The following ACOX3 variants were observed in gnomAD, a reference collection of about 807,000 sequenced individuals.
ACOX3 encodes acyl-CoA oxidase 3, pristanoyl.
A neutral mutation model predicts 81.5 loss-of-function variants in ACOX3; 73 were observed. That is an observed-to-expected ratio of 0.90 (90% CI 0.74 to 1.09). The LOEUF is 1.09. Ranked by LOEUF, ACOX3 falls within the 50% of genes least tolerant of loss-of-function variation. The probability of loss-of-function intolerance (pLI) is 0.00; values close to 1 mark genes in which losing one functional copy is unlikely to be tolerated. For missense variants in ACOX3, 947 were observed against 928.0 expected, an observed-to-expected ratio of 1.02 and a Z score of -0.27; for synonymous variants, 387 against 375.1, an observed-to-expected ratio of 1.03 and a Z score of -0.37.
Position 8,391,725 on chromosome 4 carries a change from A to G in ACOX3, c.1300+608T>C, listed in dbSNP as rs77899048. Among the ~76,000 whole-genome samples the G allele has an allele frequency of 2.5e-3, 381 of 152,356 alleles. 1 individual carries two copies. The highest frequency in any genetic ancestry group is 3.8e-3 in the Non-Finnish European group (259 of 68,032). On this transcript the variant is annotated intron_variant, in intron 11 of 17. Coordinates refer to ENST00000356406, the MANE Select transcript of ACOX3 (RefSeq NM_003501.3). Reference sequence around the variant, plus strand: ...TTATCACCCCCACTTTAAAAATAAGAAAACTGAGCACAGTGAGGTTAAGCA... The same window carrying G: ...TTATCACCCCCACTTTAAAAATAAGGAAACTGAGCACAGTGAGGTTAAGCA...
intron 16 of ACOX3, 31 bp from the exon 17 acceptor site, chr4:8,371,025 A>G (rs1578849080): frequency 6.2e-7 from 1 of 1,604,764 alleles, no homozygotes; most frequent in African/African-American, 1.3e-5. Context: ...GACACTTGGC[A>G]CCTCCCGGGA....
chr4:8,392,733 C>T (rs987589442), intron 10 of ACOX3, among the ~76,000 whole-genome samples: 1 of 152,210 alleles, frequency 6.6e-6, no homozygotes, highest in Admixed American at 6.5e-5. Context: ...CAGAAGCAAA[C>T]TGCAGAAGAA....
Position 8,385,172 on chromosome 4 carries a change from A to C in ACOX3, c.1538-3565T>G, listed in dbSNP as rs1578885487. On this transcript the variant is annotated intron_variant, in intron 13 of 17. Transcript: ENST00000356406. The surrounding 1 kb of genome is among the most constrained non-coding windows in gnomAD (Gnocchi z 5.5). Reference sequence around the variant, plus strand: ...TCACAGCGGGGGGCAGTGCTGACCCAATAGCCTGTGCTCCCACCCTCTGGG... The same window carrying C: ...TCACAGCGGGGGGCAGTGCTGACCCCATAGCCTGTGCTCCCACCCTCTGGG... Among the ~76,000 whole-genome samples, 1 of 152,114 alleles carries C rather than the reference A, an allele frequency of 6.6e-6. No homozygotes were observed. The highest frequency in any genetic ancestry group is 6.5e-5 in the Admixed American group (1 of 15,280).
Position 8,384,048 on chromosome 4 carries a change from C to T in ACOX3, c.1538-2441G>A, listed in dbSNP as rs1288353885. Among the ~76,000 whole-genome samples the T allele has an allele frequency of 1.3e-5, 2 of 152,232 alleles. No individual in the cohort carries two copies. Among genetic ancestry groups the T allele is most frequent in the Non-Finnish European group, 1.5e-5 (1 of 68,042 alleles). On this transcript the variant is annotated intron_variant, in intron 13 of 17. Coordinates refer to ENST00000356406, the MANE Select transcript of ACOX3 (RefSeq NM_003501.3). The surrounding 1 kb of genome is among the most constrained non-coding windows in gnomAD (Gnocchi z 5.3). ...CCAGCCTGTCCTGGCCATTCCCAAACACTGCCCCAGGAGGTGTCCCTCTGC... is the reference window on the plus strand; with the variant it reads ...CCAGCCTGTCCTGGCCATTCCCAAATACTGCCCCAGGAGGTGTCCCTCTGC...
chr4:8,435,598 CAG>C (rs1724191842), intron 1 of ACOX3, among the ~76,000 whole-genome samples: 1 of 152,088 alleles, frequency 6.6e-6, no homozygotes, highest in Admixed American at 6.5e-5. Context: ...AAGGTGGTGA[CAG>C]GGGTTGGAGG....
rs924959013 is a variant in ACOX3 at position 8,431,867 on chromosome 4, T to G, written c.-15+8781A>C. 1.3e-5 allele frequency among the ~76,000 whole-genome samples: 2 copies of G among 152,250 alleles called. No homozygotes were observed. Among genetic ancestry groups the G allele is most frequent in the Non-Finnish European group, 2.9e-5 (2 of 68,050 alleles). ...TGACTGTCATTGGCCATTGTTGTTA[T>G]GTGCACACATTGTTAAAGCTAAAGT... On this transcript the variant is annotated intron_variant, in intron 1 of 17. Transcript: ENST00000356406. The surrounding 1 kb of genome is among the most constrained non-coding windows in gnomAD (Gnocchi z 5.3).
Position 8,389,331 on chromosome 4 carries a change from A to C in ACOX3, c.1424-45T>G. 6.4e-7 allele frequency: 1 copy of C among 1,552,974 alleles called. No homozygotes were observed. On this transcript the variant is annotated intron_variant, in intron 12 of 17. Transcript: ENST00000356406. The surrounding 1 kb of genome is among the most constrained non-coding windows in gnomAD (Gnocchi z 5.3). ...GACTTTGGTGGAAGACAGGAACCCA[A>C]ACCATTGGGAACCCCAAGCTGGGGG...
rs1720039639 is a variant in ACOX3, at chr4:8,399,039, T to C, written c.873+517A>G. Among the ~76,000 whole-genome samples, 1 of 152,214 alleles carries C rather than the reference T, an allele frequency of 6.6e-6. No individual in the cohort carries two copies. The highest frequency in any genetic ancestry group is 6.5e-5 in the Admixed American group (1 of 15,284). ...CCTGATGTCAGATGCTGCATGCTGC[T>C]GGGGACTGTTATTCCAAGGGTGCAT... On this transcript the variant is annotated intron_variant, in intron 8 of 17. Transcript: ENST00000356406. The surrounding 1 kb of genome is among the most constrained non-coding windows in gnomAD (Gnocchi z 4.9).
Position 8,416,436 on chromosome 4 carries a change from G to A in ACOX3, c.86C>T (p.Ser29Phe). 6.2e-7 allele frequency: 1 copy of A among 1,614,194 alleles called. No individual in the cohort carries two copies. ...GPLDAYRARA[S>F]FSWKELALFT... is the part of the protein sequence containing the mutation. ...CAGCGCCAGCTCCTTCCAGCTGAAG[G>A]ACGCTCTTGCTCGGTAGGCATCGAG... The change falls in exon 2 of 18, where the codon TCC becomes TTC. Residue 29 changes from serine (S) to phenylalanine (F), a missense_variant. Transcript: ENST00000356406. The surrounding 1 kb of genome is among the most constrained non-coding windows in gnomAD (Gnocchi z 4.2).
intron 6 of ACOX3, among the ~76,000 whole-genome samples, chr4:8,408,904 TGG>T (rs1560193656): frequency 6.5e-5 from 2 of 30,558 alleles, no homozygotes; most frequent in Non-Finnish European, 1.1e-4. Context: ...GGGGGGGGGG[TGG>T]GGGGGGGGTG....
rs1444178509 is a variant in ACOX3 at position 8,432,557 on chromosome 4, C to G, written c.-15+8091G>C. Among the ~76,000 whole-genome samples the G allele has an allele frequency of 6.6e-6, 1 of 151,950 alleles. No homozygotes were observed. The highest frequency in any genetic ancestry group is 1.5e-5 in the Non-Finnish European group (1 of 67,992). On this transcript the variant is annotated intron_variant, in intron 1 of 17. Coordinates refer to ENST00000356406, the MANE Select transcript of ACOX3 (RefSeq NM_003501.3). This position sits in a 1 kb window ranked among gnomAD's most constrained non-coding sequence, Gnocchi z 6.2. The stretch of plus-strand genomic sequence containing the variant: ...CTGATTTTTTTTTTTAATTATAAAC[C>G]CAACATATTGAATTTAACGGGTTTC...
rs749294098 is a variant in ACOX3 at position 8,389,685 on chromosome 4, G to A, written c.1350C>T (p.Tyr450=). 10 of 1,614,040 alleles carry A rather than the reference G, an allele frequency of 6.2e-6. No homozygotes were observed. In the East Asian group the frequency reaches 6.7e-5, roughly 11 times the overall value. The change falls in exon 12 of 18, where the codon TAC becomes TAT. Residue 450 remains tyrosine, a synonymous_variant. Transcript: ENST00000356406. This position sits in a 1 kb window ranked among gnomAD's most constrained non-coding sequence, Gnocchi z 5.3. The part of the protein sequence containing the change: ...LRDDNDPNCT[Y]EGDNNILLQQ... ...GCAGCAGGATGTTGTTGTCACCTTC[G>A]TATGTGCAGTTGGGATCGTTGTCAT...
intron 10 of ACOX3, chr4:8,393,137 G>GGGGA (rs138774011): frequency 5.6e-5 from 8 of 143,988 alleles, no homozygotes; most frequent in Middle Eastern, 3.2e-3. Context: ...TTTTTAAGGG[G>GGGGA]AAAAAAAAAA....
At position 8,405,632 on chromosome 4, in the gene ACOX3, AG is replaced by A. The variant is rs1166829560; in HGVS notation, c.776+322del. Among the ~76,000 whole-genome samples, 5 of 152,138 alleles carry A rather than the reference AG, an allele frequency of 3.3e-5. No individual in the cohort carries two copies. The highest frequency in any genetic ancestry group is 1.2e-4 in the African/African-American group (5 of 41,422). On this transcript the variant is annotated intron_variant, in intron 7 of 17. Coordinates refer to ENST00000356406, the MANE Select transcript of ACOX3 (RefSeq NM_003501.3). This position sits in a 1 kb window ranked among gnomAD's most constrained non-coding sequence, Gnocchi z 7.1. The stretch of plus-strand genomic sequence containing the variant: ...CCGGGGGAGGCTCAGGATGCTGAGG[AG>A]GACCTCACACAGAGGAGGCAGCCCC...
chr4:8,421,952 T>C (rs551479577), intron 1 of ACOX3, among the ~76,000 whole-genome samples: 40 of 152,350 alleles, frequency 2.6e-4, no homozygotes, highest in African/African-American at 8.9e-4. Context: ...GGCCTTAGAA[T>C]TGATGACCCA....
intron 1 of ACOX3, chr4:8,428,554 G>A (rs1466537373): frequency 6.6e-6 from 1 of 152,296 alleles, no homozygotes; most frequent in African/African-American, 2.4e-5. Context: ...CTGGAAACGC[G>A]GACGCCGCTG....
chr4:8,397,198 C>G, intron 8 of ACOX3, 79 bp from the exon 9 acceptor site: 1 of 1,361,868 alleles, frequency 7.3e-7, no homozygotes, highest in Non-Finnish European at 9.7e-7. Flanking sequence ...GGCGAAGGTG[C>G]CCTCGTTTGT....
At position 8,375,001 on chromosome 4, in the gene ACOX3, CGGCTCAG is replaced by C; in HGVS notation, c.1798_1804del (p.Leu600AlafsTer32). 1.3e-6 allele frequency: 2 copies of C among 1,532,772 alleles called. No individual in the cohort carries two copies. Among genetic ancestry groups the C allele is most frequent in the Non-Finnish European group, 1.8e-6 (2 of 1,133,142 alleles). 94.9% of individuals were successfully genotyped at this position (1,532,772 alleles called of 1,614,324 possible). On this transcript the variant is annotated frameshift_variant, in exon 15 of 18. Coordinates refer to ENST00000356406, the MANE Select transcript of ACOX3 (RefSeq NM_003501.3). LOFTEE classifies it high-confidence loss of function. The stretch of plus-strand genomic sequence containing the variant: ...ACCTCGGTAGAGCAGGGCCGCGTGG[CGGCTCAG>C]GGACCACAGGGCGTACAGAGCACTG...
intron 14 of ACOX3, among the ~76,000 whole-genome samples, chr4:8,377,111 C>T (rs1717063257): frequency 6.6e-6 from 1 of 152,148 alleles, no homozygotes; most frequent in Admixed American, 6.5e-5. Context: ...TGAATCCTGC[C>T]CACACCCCAA....
Sources: gnomAD v4.1 joint callset for allele counts (sites outside exome capture counted in the v4.1 genomes callset) on GRCh38, gnomAD v4.1.1 for gene constraint, Gnocchi (gnomAD v3.1) non-coding constraint, MANE v1.5 for transcripts, NCBI Gene and HGNC (gene_info 2026-07-23, HGNC 2026-07-21) for gene names.